The following ZNF385D variants were observed in gnomAD, a reference collection of about 807,000 sequenced individuals.
ZNF385D encodes the protein zinc finger protein 659.
In ZNF385D, 15 loss-of-function variants were observed where a neutral mutation model predicts 35.8. The observed-to-expected ratio is 0.42, with a 90% CI of 0.28 to 0.64. The LOEUF (loss-of-function observed/expected upper bound fraction) is 0.64. ZNF385D is among the 30% of genes least tolerant of loss of function. The pLI is 0.23. For missense variants in ZNF385D, 474 were observed against 494.6 expected, an observed-to-expected ratio of 0.96 and a Z score of 0.39; for synonymous variants, 212 against 186.8, an observed-to-expected ratio of 1.13 and a Z score of -1.10.
At chr3:21,758,205 C>T (rs1287824178) in intron 3 of ZNF385D, among the ~76,000 whole-genome samples, 3 of 152,168 alleles carry the variant, frequency 2.0e-5, no homozygotes, top group Admixed American at 6.5e-5. Context: ...TAAGTTGTTG[C>T]TATCCCTCCA....
At chr3:21,502,177 A>T (rs1479842252) in intron 4 of ZNF385D, among the ~76,000 whole-genome samples, 1 of 152,204 alleles carries the variant, frequency 6.6e-6, no homozygotes, top group African/African-American at 2.4e-5. Context: ...CTCAGTTGTC[A>T]TTAAGGCTCT....
At chr3:22,342,594 A>C (rs1329127805) in intron 2 of ZNF385D, among the ~76,000 whole-genome samples, 1 of 152,194 alleles carries the variant, frequency 6.6e-6, no homozygotes, top group East Asian at 1.9e-4. Context: ...TCTCTGCAGA[A>C]GGTTAGAGTT....
chr3:22,304,013 G>A (rs185528980), intron 2 of ZNF385D, among the ~76,000 whole-genome samples: 89 of 152,196 alleles, frequency 5.8e-4, no homozygotes, highest in African/African-American at 2.0e-3. Flanking sequence ...CCTGACCTCA[G>A]GTAAGCCGCC....
intron 2 of ZNF385D, among the ~76,000 whole-genome samples, chr3:22,183,670 A>G (rs886567973): frequency 2.0e-5 from 3 of 152,206 alleles, no homozygotes; most frequent in East Asian, 3.8e-4. Flanking sequence ...TTATAAAAGT[A>G]TATTTCTATT....
At chr3:21,493,140 T>C (rs1705559615) in intron 4 of ZNF385D, among the ~76,000 whole-genome samples, 2 of 152,080 alleles carry the variant, frequency 1.3e-5, no homozygotes, top group Non-Finnish European at 2.9e-5. Flanking sequence ...TCCTCCTGAC[T>C]AGGACACAAA....
intron 2 of ZNF385D, among the ~76,000 whole-genome samples, chr3:21,575,133 T>C (rs892842480): frequency 2.0e-5 from 3 of 152,332 alleles, no homozygotes; most frequent in African/African-American, 4.8e-5. Context: ...TACGTAAAAA[T>C]GCCAATCATT....
chr3:21,715,316 T>A (rs1276370477), intron 1 of ZNF385D, among the ~76,000 whole-genome samples: 2 of 152,074 alleles, frequency 1.3e-5, no homozygotes, highest in African/African-American at 4.8e-5. Context: ...ACCTTTTTTT[T>A]AAGCACCCAC....
At chr3:21,520,947 A>G (rs1707866682) in intron 3 of ZNF385D, among the ~76,000 whole-genome samples, 1 of 152,200 alleles carries the variant, frequency 6.6e-6, no homozygotes, top group Admixed American at 6.5e-5. Flanking sequence ...CTCCCTACAT[A>G]GTCACATAAC....
At chr3:21,880,871 G>A (rs1698241709) in intron 3 of ZNF385D, among the ~76,000 whole-genome samples, 3 of 151,908 alleles carry the variant, frequency 2.0e-5, no homozygotes, top group Admixed American at 1.3e-4. Context: ...TTGCTGATAC[G>A]AAGAAAGTTT....
intron 2 of ZNF385D, among the ~76,000 whole-genome samples, chr3:21,644,527 A>G (rs914153335): frequency 4.6e-5 from 7 of 152,196 alleles, no homozygotes; most frequent in Non-Finnish European, 7.3e-5. Flanking sequence ...ACACGCAGAC[A>G]TGGGAGAAAT....
intron 2 of ZNF385D, among the ~76,000 whole-genome samples, chr3:22,244,394 G>GAAAAAAAAAA (rs1699663916): frequency 1.1e-5 from 1 of 92,668 alleles, no homozygotes; most frequent in African/African-American, 4.0e-5. Flanking sequence ...AAAAAAAAAT[G>GAAAAAAAAAA]AAAACATAAA....
intron 2 of ZNF385D, among the ~76,000 whole-genome samples, chr3:22,182,605 TAGAG>T (rs745325742): frequency 7.2e-5 from 11 of 152,154 alleles, no homozygotes; most frequent in South Asian, 6.2e-4. Context: ...GAATTTGACT[TAGAG>T]AGAGTAGAAA....
chr3:22,040,190 C>T (rs568956070), intron 3 of ZNF385D, among the ~76,000 whole-genome samples: 1 of 152,072 alleles, frequency 6.6e-6, no homozygotes, highest in African/African-American at 2.4e-5. Flanking sequence ...TACACATAGC[C>T]CACATCTTTG....
At chr3:22,016,684 G>A (rs1696907020) in intron 3 of ZNF385D, among the ~76,000 whole-genome samples, 1 of 152,110 alleles carries the variant, frequency 6.6e-6, no homozygotes, top group African/African-American at 2.4e-5. Context: ...CCTGAGGAGA[G>A]TAGCCCCGGA....
Position 22,209,679 on chromosome 3 carries a change from A to G in ZNF385D, c.107-40644T>C, listed in dbSNP as rs187343290. Among the ~76,000 whole-genome samples, 683 of 151,938 alleles carry G rather than the reference A, an allele frequency of 4.5e-3. 9 individuals are homozygous for G. The highest frequency in any genetic ancestry group is 0.015 in the African/African-American group (634 of 41,508). ...GCATTTATTTTTGAAAGCTTTAACA[A>G]CAAATCATTACTGCTGATTCCACCA... On this transcript the variant is annotated intron_variant, in intron 2 of 5. Coordinates refer to the ZNF385D transcript ENST00000494108.
chr3:22,372,500 C>A, exon 2 of ZNF385D: 1 of 985,722 alleles, frequency 1.0e-6, no homozygotes, highest in Non-Finnish European at 1.2e-6. Flanking sequence ...TCTCCTTCCT[C>A]CCACCGAGCT....
intron 3 of ZNF385D, among the ~76,000 whole-genome samples, chr3:21,938,857 AACTTTT>A (rs1361859731): frequency 6.6e-6 from 1 of 152,172 alleles, no homozygotes; most frequent in Non-Finnish European, 1.5e-5. Flanking sequence ...AGGCCTTCCC[AACTTTT>A]ACTTTAATTT....
intron 4 of ZNF385D, among the ~76,000 whole-genome samples, chr3:21,479,236 T>C (rs1037124353): frequency 6.6e-6 from 1 of 151,954 alleles, no homozygotes; most frequent in African/African-American, 2.4e-5. Context: ...TGCATATCTT[T>C]CCGTGTAATT....
intron 6 of ZNF385D, among the ~76,000 whole-genome samples, chr3:21,424,773 G>T (rs971246676): frequency 1.1e-4 from 16 of 149,512 alleles, no homozygotes; most frequent in African/African-American, 3.7e-4. Flanking sequence ...AGATGCCCAG[G>T]GACGAATGAA....
Sources: gnomAD v4.1 joint callset for allele counts (sites outside exome capture counted in the v4.1 genomes callset) on GRCh38, gnomAD v4.1.1 for gene constraint, MANE v1.5 for transcripts, NCBI Gene and HGNC (gene_info 2026-07-23, HGNC 2026-07-21) for gene names.